The following PKN3 variants were observed in gnomAD, a reference collection of about 807,000 sequenced individuals.
PKN3 encodes protein kinase N3.
PKN3 carries 91 observed loss-of-function variants against 113.1 expected under a neutral mutation model. That is an observed-to-expected ratio of 0.80 (90% confidence interval 0.68 to 0.96). PKN3 has a LOEUF of 0.96. Among genes scored for constraint, PKN3 ranks in the 40% least tolerant of loss-of-function variants. The pLI is 0.00. For synonymous variants in PKN3, 467 were observed against 499.0 expected (o/e 0.94, Z 0.85); for missense variants, 1,052 against 1,202.2 (o/e 0.88, Z 1.85).
intron 17 of PKN3, 21 bp downstream of exon 17, chr9:128,718,408 G>A (rs1469141502): frequency 6.2e-6 from 9 of 1,440,196 alleles, no homozygotes; most frequent in Non-Finnish European, 8.8e-6. Context: ...TCCCAGGGAT[G>A]CACGGGGGTA....
intron 1 of PKN3, chr9:128,703,845 G>C: frequency 1.0e-6 from 1 of 985,478 alleles, no homozygotes; most frequent in Non-Finnish European, 1.2e-6. Flanking sequence ...TGTTCCAGAC[G>C]TAGCTTGTAC....
chr9:128,707,222 G>A lies in PKN3; in HGVS notation c.652G>A (p.Ala218Thr). 6.2e-7 allele frequency: 1 copy of A among 1,603,070 alleles called. No individual in the cohort carries two copies. Among genetic ancestry groups the A allele is most frequent in the Non-Finnish European group, 8.5e-7 (1 of 1,172,198 alleles). The part of the protein sequence containing the change: ...RTQDRKALAE[A>T]QAQLQESSQK... ...TGGCTCTACGTTGTCCCCTCTGCAG[G>A]CCCAGGCCCAGCTACAGGAGTCCTC... Residue 218 changes from alanine (A) to threonine (T), a missense_variant and splice_region_variant, in exon 6 of 22, where the codon GCC becomes ACC. Ala to Thr is a moderately conservative substitution (Grantham distance 58). Transcript: ENST00000291906.
rs1862300159 is a variant in PKN3 at position 128,715,090 on chromosome 9, G to A, written c.1653-82G>A. 1 of 1,434,142 alleles carries A rather than the reference G, an allele frequency of 7.0e-7. No individual in the cohort carries two copies. The highest frequency in any genetic ancestry group is 1.4e-5 in the African/African-American group (1 of 71,298). The allele number at this position is 1,434,142 out of a possible 1,614,324, so 88.8% of individuals were successfully genotyped here. ...CATAGGTCGGGACAGCCCAGGACTG[G>A]GCATGGGAGGCTTGGAGTGGCTCTG... On this transcript the variant is annotated intron_variant, in intron 13 of 21. Transcript: ENST00000291906. The surrounding 1 kb of genome is among the most constrained non-coding windows in gnomAD (Gnocchi z 4.1).
chr9:128,713,599 A>G lies in PKN3; in HGVS notation c.1193A>G (p.Gln398Arg). 6.2e-7 allele frequency: 1 copy of G among 1,613,764 alleles called. No individual in the cohort carries two copies. Among genetic ancestry groups the G allele is most frequent in the South Asian group, 1.1e-5 (1 of 91,088 alleles). ...GACTTCCTGGACAATGCCTGTCACCAACTGTCCCTCAGCCTGGTACCGCAG... is the reference window on the plus strand; with the variant it reads ...GACTTCCTGGACAATGCCTGTCACCGACTGTCCCTCAGCCTGGTACCGCAG... ...LEDFLDNACH[Q>R]LSLSLVPQGL... Residue 398 changes from glutamine to arginine, a missense_variant, in exon 9 of 22, where the codon CAA becomes CGA. By Grantham distance (43) the Gln-to-Arg change is conservative. Around this residue, in one of 2 missense-constraint regions of PKN3, gnomAD observed 719 missense variants for 759.4 expected, o/e 0.95. Transcript: ENST00000291906.
At chr9:128,717,117 C>CTTTTTTTGTTTTTTTTTTTTTTTTTTTTT (rs1862363739) in intron 16 of PKN3, among the ~76,000 whole-genome samples, 194 bp downstream of exon 16, 1 of 24,364 alleles carries the variant, frequency 4.1e-5, no homozygotes, top group Non-Finnish European at 8.1e-5. Context: ...CATTAGGTTT[C>CTTTTTTTGTTTTTTTTTTTTTTTTTTTTT]TTTTTTTTTT....
chr9:128,702,924 G>T lies in PKN3; in HGVS notation c.9G>T (p.Glu3Asp), dbSNP rs1312564186. ...GCGGCCGGAGCGGCGCCATGGAGGA[G>T]GGGGCGCCGCGGCAGGTGAACGGCG... is the stretch of plus-strand genomic sequence containing the variant. MEEGAPRQPGPSQ... is the reference protein window; with the variant it reads MEDGAPRQPGPSQ... The change falls in exon 1 of 22, where the codon GAG (glutamate) becomes GAT (aspartate). Residue 3 changes from glutamate (E) to aspartate (D), a missense_variant. By Grantham distance (45) the Glu-to-Asp change is conservative. This residue lies in a region of PKN3 where 719 missense variants were observed against 759.4 expected (regional missense o/e 0.95). Coordinates refer to ENST00000291906, the MANE Select transcript of PKN3 (RefSeq NM_013355.5). 2.7e-6 allele frequency: 4 copies of T among 1,465,268 alleles called. No individual in the cohort carries two copies. In the South Asian group the frequency reaches 3.9e-5, roughly 14 times the overall value. The allele number at this position is 1,465,268 out of a possible 1,614,324, so 90.8% of individuals were successfully genotyped here.
chr9:128,703,395 C>G, intron 1 of PKN3: 1 of 985,402 alleles, frequency 1.0e-6, no homozygotes, highest in Non-Finnish European at 1.2e-6. Context: ...GAGTCCTTCC[C>G]GGAGCACAGG....
intron 1 of PKN3, 66 bp downstream of exon 1, chr9:128,703,005 G>T (rs3750321): frequency 0.66 from 736,786 of 1,122,284 alleles, 249,778 homozygotes; most frequent in Non-Finnish European, 0.7. Flanking sequence ...TCGCCCCGGA[G>T]CCCCGAACCG....
intron 6 of PKN3, among the ~76,000 whole-genome samples, chr9:128,710,959 C>A (rs1262555279): frequency 2.0e-5 from 3 of 152,050 alleles, no homozygotes; most frequent in African/African-American, 7.2e-5. Flanking sequence ...GCTAAACACC[C>A]CAGATACTTG....
chr9:128,712,877 C>T (rs780096825), intron 6 of PKN3, among the ~76,000 whole-genome samples, 175 bp from the exon 7 acceptor site: 1 of 152,108 alleles, frequency 6.6e-6, no homozygotes, highest in Non-Finnish European at 1.5e-5. Flanking sequence ...AGTCTAGGCA[C>T]TCTAGGCCGC....
intron 18 of PKN3, 114 bp from the exon 19 acceptor site, chr9:128,719,572 G>A (rs1440205137): frequency 3.7e-6 from 4 of 1,078,780 alleles, no homozygotes; most frequent in Non-Finnish European, 5.3e-6. Context: ...ACTTCCTTGG[G>A]TACAGGGCAG....
Position 128,707,423 on chromosome 9 carries a change from C to T in PKN3, c.835+18C>T. 6.3e-7 allele frequency: 1 copy of T among 1,583,450 alleles called. No individual in the cohort carries two copies. Among genetic ancestry groups the T allele is most frequent in the Non-Finnish European group, 8.6e-7 (1 of 1,161,514 alleles). On this transcript the variant is annotated intron_variant, in intron 6 of 21. Transcript: ENST00000291906. ...CCTAACAGGTAGTCAGAAGTTCCTC[C>T]CCCTTCAAAGCTCTCCTTCTTTTTG...
intron 1 of PKN3, among the ~76,000 whole-genome samples, 190 bp from the exon 2 acceptor site, chr9:128,705,113 G>T (rs1318188849): frequency 6.6e-6 from 1 of 152,168 alleles, no homozygotes; most frequent in Non-Finnish European, 1.5e-5. Flanking sequence ...GCCTGGCCTA[G>T]ATGAGTGGCC....
chr9:128,703,708 G>C (rs367572227), intron 1 of PKN3: 1 of 985,278 alleles, frequency 1.0e-6, no homozygotes, highest in African/African-American at 1.7e-5. Flanking sequence ...CAGGGCAGAC[G>C]GGACCATGGG....
intron 16 of PKN3, 145 bp downstream of exon 16, chr9:128,717,068 C>T: frequency 6.4e-6 from 3 of 467,852 alleles, no homozygotes; most frequent in South Asian, 2.2e-5. Flanking sequence ...CACCAACTGA[C>T]AGCATTTGTG....
chr9:128,708,223 A>G (rs1226144590), intron 6 of PKN3, among the ~76,000 whole-genome samples: 1 of 151,964 alleles, frequency 6.6e-6, no homozygotes, highest in Non-Finnish European at 1.5e-5. Context: ...TCTACTAAAA[A>G]TACAAAAAAG....
chr9:128,713,216 T>G lies in PKN3; in HGVS notation c.982+18T>G. 2 of 1,609,652 alleles carry G rather than the reference T, an allele frequency of 1.2e-6. No individual in the cohort carries two copies. Among genetic ancestry groups the G allele is most frequent in the East Asian group, 4.5e-5 (2 of 44,770 alleles). Reference sequence around the variant, plus strand: ...GCTTGCCAGTGAGTAGGGAAGGAGCTTCAGGGGGAGCAGGAGACCCCTGCT... The same window carrying G: ...GCTTGCCAGTGAGTAGGGAAGGAGCGTCAGGGGGAGCAGGAGACCCCTGCT... On this transcript the variant is annotated intron_variant, in intron 7 of 21. Transcript: ENST00000291906.
intron 6 of PKN3, among the ~76,000 whole-genome samples, chr9:128,711,835 G>T (rs1265561203): frequency 2.6e-5 from 4 of 151,538 alleles, no homozygotes; most frequent in African/African-American, 9.7e-5. Context: ...CCGACCTCAG[G>T]TGATCCACCT....
intron 6 of PKN3, 114 bp downstream of exon 6, chr9:128,707,519 A>G (rs1862057223): frequency 1.2e-6 from 1 of 850,882 alleles, no homozygotes; most frequent in Non-Finnish European, 1.8e-6. Flanking sequence ...AGCACCCACT[A>G]GCAGCGTGAC....
Sources: gnomAD v4.1 joint callset for allele counts (sites outside exome capture counted in the v4.1 genomes callset) on GRCh38, gnomAD v4.1.1 for gene constraint, gnomAD v4.1.1 regional missense constraint, Gnocchi (gnomAD v3.1) non-coding constraint, MANE v1.5 for transcripts, NCBI Gene and HGNC (gene_info 2026-07-23, HGNC 2026-07-21) for gene names.